TDRP: variants seen among roughly 807,000 people sequenced by gnomAD.
The protein encoded by TDRP is testis development-related protein.
A neutral mutation model predicts 10.5 loss-of-function variants in TDRP; 12 were observed. The observed-to-expected ratio is 1.15, with a 90% CI of 0.73 to 1.86. The LOEUF is 1.86. TDRP is among the 40% of genes most tolerant of loss of function. TDRP has a pLI of 0.00. For synonymous variants in TDRP, 139 were observed against 95.4 expected (o/e 1.46, Z -2.67); for missense variants, 353 against 229.2 (o/e 1.54, Z -3.49).
chr8:519,647 TG>T (rs1460978273), intron 1 of TDRP, among the ~76,000 whole-genome samples: 1 of 152,066 alleles, frequency 6.6e-6, no homozygotes, highest in Non-Finnish European at 1.5e-5. Context: ...CTCAAAGGGT[TG>T]GGTTGCTCAC....
intron 1 of TDRP, among the ~76,000 whole-genome samples, chr8:543,666 G>C (rs578095902): frequency 3.3e-5 from 5 of 151,878 alleles, no homozygotes; most frequent in Non-Finnish European, 5.9e-5. Context: ...TTTTCCATGA[G>C]TTAGGAATGG....
At position 492,090 on chromosome 8, in the gene TDRP, A is replaced by G; in HGVS notation, c.*309T>C. 8.5e-7 allele frequency: 1 copy of G among 1,177,572 alleles called. No individual in the cohort carries two copies. The highest frequency in any genetic ancestry group is 1.0e-6 in the Non-Finnish European group (1 of 954,026). The allele number at this position is 1,177,572 out of a possible 1,614,324, so 72.9% of individuals were successfully genotyped here. On this transcript the variant is annotated 3_prime_UTR_variant, in exon 3 of 3. Coordinates refer to ENST00000324079, the MANE Select transcript of TDRP (RefSeq NM_001384899.1). ...AGAGCAGCATGAAAATCATTTTGTG[A>G]GAAACTGCAAATCATTACTGCTGTA...
In TDRP at chr8:544,719, C is replaced by G; in HGVS notation, c.39G>C (p.Glu13Asp). The G allele has an allele frequency of 8.0e-7, 1 of 1,244,650 alleles. No individual in the cohort carries two copies. Among genetic ancestry groups the G allele is most frequent in the South Asian group, 3.7e-5 (1 of 26,778 alleles). The allele number at this position is 1,244,650 out of a possible 1,614,324, so 77.1% of individuals were successfully genotyped here. Residue 13 changes from glutamate to aspartate, a missense_variant, in exon 1 of 3, where the codon GAG becomes GAC. Physicochemically the swap from Glu to Asp is conservative, Grantham distance 45 (BLOSUM62 2). Coordinates refer to ENST00000324079, the MANE Select transcript of TDRP (RefSeq NM_001384899.1). ...GCAGGCCGTCCTCCTCCTCGGGGGG[C>G]TCGTCCAGCAGCACTCGGCCCCGGC... Reference protein sequence around the residue: ...KLGRGRVLLDEPPEEEDGLRG... With the variant: ...KLGRGRVLLDDPPEEEDGLRG...
Position 509,129 on chromosome 8 carries a change from C to T in TDRP, c.109-14532G>A, listed in dbSNP as rs530057284. ...ACCCCTGTGGCTTTGCAGGGTATGG[C>T]CCCCTGGCGCCAGCTGCTTTCATGG... On this transcript the variant is annotated intron_variant, in intron 1 of 2. Coordinates refer to ENST00000324079, the MANE Select transcript of TDRP (RefSeq NM_001384899.1). Among the ~76,000 whole-genome samples the T allele has an allele frequency of 1.1e-4, 17 of 152,372 alleles. 1 individual carries two copies. In the South Asian group the frequency reaches 3.3e-3, roughly 30 times the overall value.
intron 1 of TDRP, among the ~76,000 whole-genome samples, chr8:542,628 G>A (rs562938080): frequency 5.9e-5 from 9 of 152,120 alleles, no homozygotes; most frequent in Non-Finnish European, 1.2e-4. Flanking sequence ...ACTTCAGAAG[G>A]CCGAGGAGGG....
At chr8:507,559 G>C (rs1000695698) in intron 1 of TDRP, among the ~76,000 whole-genome samples, 10 of 152,144 alleles carry the variant, frequency 6.6e-5, no homozygotes, top group African/African-American at 2.2e-4. Context: ...GAGGAAGAAA[G>C]CCTGCCACAC....
intron 1 of TDRP, among the ~76,000 whole-genome samples, chr8:495,261 A>G (rs1299101103): frequency 6.6e-6 from 1 of 152,070 alleles, no homozygotes; most frequent in Non-Finnish European, 1.5e-5. Context: ...AACAACAACA[A>G]AACACATAGG....
intron 1 of TDRP, among the ~76,000 whole-genome samples, chr8:532,545 A>G (rs992369818): frequency 8.5e-5 from 13 of 152,264 alleles, no homozygotes; most frequent in African/African-American, 3.1e-4. Flanking sequence ...ATCATAGGAT[A>G]AGGACCAAAT....
intron 1 of TDRP, among the ~76,000 whole-genome samples, chr8:543,554 TAA>T (rs550881118): frequency 5.6e-5 from 8 of 142,640 alleles, no homozygotes; most frequent in Non-Finnish European, 3.1e-5. Flanking sequence ...ATTCTGAAAT[TAA>T]AAAAAAAAAA....
chr8:539,255 T>A (rs1288445840), intron 1 of TDRP, among the ~76,000 whole-genome samples: 1 of 151,808 alleles, frequency 6.6e-6, no homozygotes, highest in East Asian at 1.9e-4. Context: ...ATGGGATGAG[T>A]GTCCTAATAT....
chr8:529,770 A>G (rs1371079439), intron 1 of TDRP, among the ~76,000 whole-genome samples: 2 of 152,048 alleles, frequency 1.3e-5, no homozygotes, highest in Non-Finnish European at 2.9e-5. Context: ...TTATATGACA[A>G]GTTGCTTTTC....
At position 491,708 on chromosome 8, in the gene TDRP, A is replaced by C; in HGVS notation, c.*691T>G. 6.7e-7 allele frequency: 1 copy of C among 1,492,706 alleles called. No homozygotes were observed. Among genetic ancestry groups the C allele is most frequent in the Non-Finnish European group, 8.8e-7 (1 of 1,133,570 alleles). The allele number at this position is 1,492,706 out of a possible 1,614,324, so 92.5% of individuals were successfully genotyped here. Reference sequence around the variant, plus strand: ...AAGAGAGCAAATGTTTTAAGAAAATAAAGGGACCGATTTAGAAGTTCAAAA... The same window carrying C: ...AAGAGAGCAAATGTTTTAAGAAAATCAAGGGACCGATTTAGAAGTTCAAAA... On this transcript the variant is annotated 3_prime_UTR_variant, in exon 3 of 3. Transcript: ENST00000324079.
chr8:495,878 A>C (rs1487716042), intron 1 of TDRP, among the ~76,000 whole-genome samples: 1 of 152,180 alleles, frequency 6.6e-6, no homozygotes, highest in Non-Finnish European at 1.5e-5. Flanking sequence ...ATGACCCTGA[A>C]AACTAACCAG....
chr8:520,865 A>C (rs1287295895), intron 1 of TDRP, among the ~76,000 whole-genome samples: 1 of 152,142 alleles, frequency 6.6e-6, no homozygotes, highest in Non-Finnish European at 1.5e-5. Context: ...ATGGCTGAGA[A>C]ATATTTATCC....
intron 1 of TDRP, among the ~76,000 whole-genome samples, chr8:520,014 G>C (rs1210792002): frequency 6.6e-6 from 1 of 152,224 alleles, no homozygotes; most frequent in Non-Finnish European, 1.5e-5. Flanking sequence ...GAAAGAAAGG[G>C]AATGGAGGTC....
chr8:543,118 G>A (rs572795297), intron 1 of TDRP, among the ~76,000 whole-genome samples: 5 of 152,218 alleles, frequency 3.3e-5, no homozygotes, highest in Non-Finnish European at 5.9e-5. Flanking sequence ...GATCTGCCTG[G>A]ACAACATAGC....
chr8:493,068 A>G (rs996196165), intron 2 of TDRP, among the ~76,000 whole-genome samples: 28 of 152,214 alleles, frequency 1.8e-4, no homozygotes, highest in African/African-American at 6.5e-4. Flanking sequence ...AGCAAATCAG[A>G]TCTATGAGAA....
At chr8:518,953 G>C (rs1231606899) in intron 1 of TDRP, among the ~76,000 whole-genome samples, 1 of 152,176 alleles carries the variant, frequency 6.6e-6, no homozygotes, top group Non-Finnish European at 1.5e-5. Flanking sequence ...ACACTAATGA[G>C]ATGACTGACA....
intron 1 of TDRP, among the ~76,000 whole-genome samples, chr8:521,130 C>T (rs1229084006): frequency 6.6e-6 from 1 of 151,456 alleles, no homozygotes; most frequent in Non-Finnish European, 1.5e-5. Context: ...TGGCAGGGAG[C>T]AGCAGCTCAC....
Sources: gnomAD v4.1 joint callset for allele counts (sites outside exome capture counted in the v4.1 genomes callset) on GRCh38, gnomAD v4.1.1 for gene constraint, MANE v1.5 for transcripts, NCBI Gene and HGNC (gene_info 2026-07-23, HGNC 2026-07-21) for gene names.